The following NSF variants were observed in gnomAD, a reference collection of about 807,000 sequenced individuals.
The protein encoded by NSF is N-ethylmaleimide sensitive factor, vesicle fusing ATPase.
A neutral mutation model predicts 50.3 loss-of-function variants in NSF; 14 were observed. The observed-to-expected ratio is 0.28, with a 90% confidence interval of 0.18 to 0.44. The LOEUF is 0.44. Among genes scored for constraint, NSF ranks in the 20% least tolerant of loss-of-function variants. NSF has a pLI of 1.00. For synonymous variants in NSF, 109 were observed against 175.7 expected, an observed-to-expected ratio of 0.62 and a Z score of 3.00; for missense variants, 218 against 504.3, an observed-to-expected ratio of 0.43 and a Z score of 5.44.
intron 17 of NSF, among the ~76,000 whole-genome samples, chr17:46,745,083 G>A (rs2059114509): frequency 6.6e-6 from 1 of 151,884 alleles, no homozygotes; most frequent in African/African-American, 2.4e-5. Context: ...TTTGGGCACT[G>A]TGGACATTAA....
chr17:46,723,164 A>G (rs1373910933), intron 15 of NSF, among the ~76,000 whole-genome samples: 1 of 152,166 alleles, frequency 6.6e-6, no homozygotes, highest in Non-Finnish European at 1.5e-5. Flanking sequence ...TTGCAGCCAT[A>G]TAAGCTGTAC....
chr17:46,739,634 C>T (rs2059048694), intron 17 of NSF, among the ~76,000 whole-genome samples: 1 of 151,710 alleles, frequency 6.6e-6, no homozygotes. Flanking sequence ...GGGCCCCTTC[C>T]TCTACTAAAA....
chr17:46,749,871 C>T lies in NSF; in HGVS notation c.2007C>T (p.Asn669=), dbSNP rs753106240. 6.2e-7 allele frequency: 1 copy of T among 1,614,138 alleles called. No individual in the cohort carries two copies. Among genetic ancestry groups the T allele is most frequent in the Non-Finnish European group, 8.5e-7 (1 of 1,180,002 alleles). Reference sequence around the variant, plus strand: ...TCAGCACCACCATCCACGTGCCCAACATTGCCACAGGAGAGCAGCTGTTGG... The same window carrying T: ...TCAGCACCACCATCCACGTGCCCAATATTGCCACAGGAGAGCAGCTGTTGG... The part of the protein sequence containing the change: ...NAFSTTIHVP[N]IATGEQLLEA... The change falls in exon 18 of 21, where the codon AAC becomes AAT. Residue 669 remains asparagine, a synonymous_variant. Transcript: ENST00000398238.
intron 13 of NSF, among the ~76,000 whole-genome samples, chr17:46,709,383 C>T (rs1013527778): frequency 3.3e-5 from 5 of 151,704 alleles, no homozygotes; most frequent in Admixed American, 6.6e-5. Flanking sequence ...AAGATATACA[C>T]GTTATATATC....
intron 15 of NSF, among the ~76,000 whole-genome samples, chr17:46,717,825 G>A (rs971491026): frequency 2.6e-5 from 4 of 152,180 alleles, no homozygotes; most frequent in Non-Finnish European, 4.4e-5. Flanking sequence ...CGGAAATCAC[G>A]CTTAACAACT....
Position 46,755,301 on chromosome 17 carries a change from C to A in NSF, c.2158-13C>A, listed in dbSNP as rs774776690. 2 of 1,608,416 alleles carry A rather than the reference C, an allele frequency of 1.2e-6. No individual in the cohort carries two copies. Among genetic ancestry groups the A allele is most frequent in the African/African-American group, 2.7e-5 (2 of 74,982 alleles). The stretch of plus-strand genomic sequence containing the variant: ...TACCATTAACCCATCTTCATTTCTT[C>A]TGATGTATTTAGATGGATCCTGAAT... On this transcript the variant is annotated splice_polypyrimidine_tract_variant and intron_variant, in intron 19 of 20. Transcript: ENST00000398238.
chr17:46,714,969 C>T (rs1250122633), intron 15 of NSF, among the ~76,000 whole-genome samples: 4 of 152,034 alleles, frequency 2.6e-5, no homozygotes, highest in East Asian at 1.9e-4. Flanking sequence ...TAGAATTCTT[C>T]GGTGTTTCTT....
intron 15 of NSF, chr17:46,721,656 C>T (rs1157220647): frequency 1.2e-6 from 2 of 1,601,808 alleles, no homozygotes; most frequent in East Asian, 2.2e-5. Context: ...GAAAAAGTTT[C>T]AACCTTGTGT....
Position 46,726,563 on chromosome 17 carries a change from G to A in NSF, c.1776G>A (p.Ala592=), listed in dbSNP as rs752142007. The A allele has an allele frequency of 5.0e-6, 8 of 1,613,730 alleles. No individual in the cohort carries two copies. Among genetic ancestry groups the A allele is most frequent in the Admixed American group, 3.3e-5 (2 of 59,996 alleles). ...TTTTCTTTCAGATCTTTGATGATGCGTACAAATCCCAGCTCAGTTGTGTGG... is the reference window on the plus strand; with the variant it reads ...TTTTCTTTCAGATCTTTGATGATGCATACAAATCCCAGCTCAGTTGTGTGG... The part of the protein sequence containing the change: ...CQAMKKIFDD[A]YKSQLSCVVV... The change falls in exon 16 of 21, where the codon GCG becomes GCA. Residue 592 remains alanine (A), a synonymous_variant. Transcript: ENST00000398238.
chr17:46,720,873 G>C (rs1249499710), intron 15 of NSF, among the ~76,000 whole-genome samples: 1 of 152,212 alleles, frequency 6.6e-6, no homozygotes, highest in African/African-American at 2.4e-5. Flanking sequence ...AATCTCCTGA[G>C]AGCATGCTTG....
chr17:46,741,607 A>G (rs1268941982), intron 17 of NSF, among the ~76,000 whole-genome samples: 2 of 152,166 alleles, frequency 1.3e-5, no homozygotes, highest in African/African-American at 4.8e-5. Context: ...AAGAAAAGAA[A>G]AAGTTACAGG....
At chr17:46,754,064 TC>T (rs1259744787) in intron 19 of NSF, among the ~76,000 whole-genome samples, 2 of 151,980 alleles carry the variant, frequency 1.3e-5, no homozygotes, top group Non-Finnish European at 2.9e-5. Context: ...TACAGGCAAG[TC>T]AGTAAGTTGT....
chr17:46,724,488 G>C (rs1012969795), intron 15 of NSF, among the ~76,000 whole-genome samples: 1 of 152,262 alleles, frequency 6.6e-6, no homozygotes, highest in East Asian at 1.9e-4. Flanking sequence ...GACTCCTAAG[G>C]CTTCTTTCAG....
chr17:46,720,238 A>C (rs796579410), intron 15 of NSF, among the ~76,000 whole-genome samples: 6 of 152,330 alleles, frequency 3.9e-5, no homozygotes, highest in African/African-American at 1.4e-4. Context: ...GCACTCCGGA[A>C]GTGACTACAG....
At chr17:46,739,197 C>G (rs1285475047) in intron 17 of NSF, among the ~76,000 whole-genome samples, 1 of 152,020 alleles carries the variant, frequency 6.6e-6, no homozygotes, top group Non-Finnish European at 1.5e-5. Flanking sequence ...TGGTGAAACC[C>G]CCGCCTCTAC....
At chr17:46,739,370 C>CA (rs1230180574) in intron 17 of NSF, among the ~76,000 whole-genome samples, 45,441 of 53,268 alleles carry the variant, frequency 0.85, 20,695 homozygotes, top group Non-Finnish European at 0.92. Flanking sequence ...GACTCTGTCT[C>CA]AAAAAAAAAA....
chr17:46,733,002 A>G (rs1023185404), intron 17 of NSF, among the ~76,000 whole-genome samples: 2 of 152,150 alleles, frequency 1.3e-5, no homozygotes, highest in Non-Finnish European at 2.9e-5. Context: ...AAAGCTAACA[A>G]TTGGCTTGGA....
chr17:46,736,808 A>G (rs1215239958), intron 17 of NSF, among the ~76,000 whole-genome samples: 1 of 152,330 alleles, frequency 6.6e-6, no homozygotes, highest in Admixed American at 6.5e-5. Context: ...ATTTAATTGA[A>G]TATCTGAAAT....
At chr17:46,716,546 C>T (rs185640584) in intron 15 of NSF, among the ~76,000 whole-genome samples, 429 of 152,194 alleles carry the variant, frequency 2.8e-3, no homozygotes, top group African/African-American at 1.0e-2. Context: ...CATGAGCCAC[C>T]GCGCCCGGCC....
Sources: allele counts gnomAD v4.1 joint callset (sites outside exome capture counted in the v4.1 genomes callset), GRCh38; gene constraint gnomAD v4.1.1; transcripts MANE v1.5; gene names NCBI Gene and HGNC (gene_info 2026-07-23, HGNC 2026-07-21).